TUSC3: variants seen among roughly 807,000 people sequenced by gnomAD.
TUSC3 encodes tumor suppressor candidate 3.
In TUSC3, 45 loss-of-function variants were observed where a neutral mutation model predicts 44.8. The ratio of observed to expected loss-of-function variants is 1.00; its 90% confidence interval spans 0.79 to 1.29. TUSC3 has a LOEUF of 1.29. TUSC3 is among the 50% of genes most tolerant of loss of function. The probability of loss-of-function intolerance (pLI) is 0.00; values close to 1 mark genes in which losing one functional copy is unlikely to be tolerated. For synonymous variants in TUSC3, 212 were observed against 152.9 expected, an observed-to-expected ratio of 1.39 and a Z score of -2.85; for missense variants, 519 against 437.9, an observed-to-expected ratio of 1.19 and a Z score of -1.65.
chr8:15,475,605 C>A (rs1800564282), intron 1 of TUSC3, among the ~76,000 whole-genome samples: 1 of 152,070 alleles, frequency 6.6e-6, no homozygotes, highest in African/African-American at 2.4e-5. Flanking sequence ...ATAAGTAAAT[C>A]AACTGGAAAA....
chr8:15,702,546 A>T (rs1178400641), intron 6 of TUSC3, among the ~76,000 whole-genome samples: 1 of 152,042 alleles, frequency 6.6e-6, no homozygotes, highest in Non-Finnish European at 1.5e-5. Context: ...CTCTCTTTCT[A>T]GGCAACCTGT....
the TUSC3 span, among the ~76,000 whole-genome samples, chr8:15,816,870 C>A: frequency 1.3e-5 from 2 of 152,146 alleles, no homozygotes; most frequent in Non-Finnish European, 2.9e-5. Flanking sequence ...GAGTTCATAG[C>A]GCCTAGCAGA....
chr8:15,466,899 C>A lies in TUSC3; in HGVS notation n.92-16487C>A, dbSNP rs181577410. Among the ~76,000 whole-genome samples, 4 of 152,134 alleles carry A rather than the reference C, an allele frequency of 2.6e-5. No individual in the cohort carries two copies. The East Asian group carries it at 7.7e-4, about 29-fold the overall frequency. ...GGCCATTGATAATTGAATATTGTTT[C>A]TTTCGTCCTTTTATGTAAAAGATTT... On this transcript the variant is annotated intron_variant and non_coding_transcript_variant, in intron 1 of 5. Coordinates refer to the TUSC3 transcript ENST00000503191.
At chr8:15,454,939 A>G (rs901392352) in intron 1 of TUSC3, among the ~76,000 whole-genome samples, 16 of 152,150 alleles carry the variant, frequency 1.1e-4, no homozygotes, top group African/African-American at 3.6e-4. Context: ...TAGCAGATGT[A>G]ACAGGCTCTC....
intron 1 of TUSC3, among the ~76,000 whole-genome samples, chr8:15,445,626 G>C (rs1162978680): frequency 1.3e-5 from 2 of 152,194 alleles, no homozygotes; most frequent in Non-Finnish European, 2.9e-5. Flanking sequence ...GAGAGCACTG[G>C]GTTGGGGGTA....
chr8:15,538,757 C>T (rs9325758), upstream of TUSC3, among the ~76,000 whole-genome samples: 122,212 of 152,034 alleles, frequency 0.8, 50,660 homozygotes, highest in Non-Finnish European at 0.9. Flanking sequence ...TTGTTTCCTA[C>T]AGAAATTATT....
At chr8:15,689,862 G>A (rs57427661) in intron 6 of TUSC3, among the ~76,000 whole-genome samples, 525 of 23,820 alleles carry the variant, frequency 0.022, 3 homozygotes, top group African/African-American at 0.06. Context: ...GTGTGTGTGT[G>A]TATAAATATA....
chr8:15,431,350 A>G (rs915769347), intron 1 of TUSC3, among the ~76,000 whole-genome samples: 3 of 151,638 alleles, frequency 2.0e-5, no homozygotes, highest in Non-Finnish European at 4.4e-5. Context: ...TGTGTCTTCA[A>G]TTTATTTGAT....
chr8:15,460,509 C>T (rs1180522054), intron 1 of TUSC3, among the ~76,000 whole-genome samples: 1 of 152,108 alleles, frequency 6.6e-6, no homozygotes, highest in African/African-American at 2.4e-5. Flanking sequence ...CTGACTGTTC[C>T]TTTTGCCGTG....
At chr8:15,602,274 T>G (rs1453918130) in intron 1 of TUSC3, among the ~76,000 whole-genome samples, 2 of 151,718 alleles carry the variant, frequency 1.3e-5, no homozygotes, top group Non-Finnish European at 3.0e-5. Context: ...TATTGCCTGT[T>G]GTTCATGCAG....
chr8:15,462,181 C>G (rs1346136874), intron 1 of TUSC3, among the ~76,000 whole-genome samples: 2 of 152,026 alleles, frequency 1.3e-5, no homozygotes, highest in Non-Finnish European at 2.9e-5. Flanking sequence ...GTACCATATA[C>G]CAAGCCTACT....
At chr8:15,690,159 C>T (rs1808836150) in intron 6 of TUSC3, among the ~76,000 whole-genome samples, 1 of 152,082 alleles carries the variant, frequency 6.6e-6, no homozygotes, top group Non-Finnish European at 1.5e-5. Context: ...TCTTCTCTTC[C>T]ACAATCTCGC....
chr8:15,711,012 T>A (rs1429621747), intron 6 of TUSC3, among the ~76,000 whole-genome samples: 1 of 151,368 alleles, frequency 6.6e-6, no homozygotes, highest in East Asian at 1.9e-4. Context: ...GTTTCCTGAG[T>A]CTTATGTATA....
In TUSC3 at chr8:15,659,520, C is replaced by T; in HGVS notation, c.440C>T (p.Ser147Phe). The stretch of plus-strand genomic sequence containing the variant: ...CATGTTTTACAGCTCAACATGAACT[C>T]TGCTCCTACATTCATGCATTTTCCT... ...TDVFQQLNMNSAPTFMHFPPK... is the reference protein window; with the variant it reads ...TDVFQQLNMNFAPTFMHFPPK... The change falls in exon 4 of 11, where the codon TCT (serine) becomes TTT (phenylalanine). Residue 147 changes from serine (S) to phenylalanine (F), a missense_variant. Ser to Phe is a radical substitution (Grantham distance 155, BLOSUM62 -2). Coordinates refer to ENST00000503731, the MANE Select transcript of TUSC3 (RefSeq NM_006765.4). 1 of 1,612,786 alleles carries T rather than the reference C, an allele frequency of 6.2e-7. No homozygotes were observed. Among genetic ancestry groups the T allele is most frequent in the African/African-American group, 1.3e-5 (1 of 75,030 alleles).
rs1383127490 is a variant in TUSC3, at chr8:15,764,553, T to C, written c.*397T>C. 1.8e-5 allele frequency: 5 copies of C among 274,100 alleles called. No individual in the cohort carries two copies. Among genetic ancestry groups the C allele is most frequent in the Non-Finnish European group, 3.5e-5 (5 of 140,996 alleles). 17.0% of individuals were successfully genotyped at this position (274,100 alleles called of 1,614,324 possible). On this transcript the variant is annotated 3_prime_UTR_variant, in exon 11 of 11. Transcript: ENST00000503731. ...ATGTTAGTAAAGAAAACCTATGAAATGTATGTTAAAGATTCTTAGTATTGT... is the reference window on the plus strand; with the variant it reads ...ATGTTAGTAAAGAAAACCTATGAAACGTATGTTAAAGATTCTTAGTATTGT...
intron 10 of TUSC3, among the ~76,000 whole-genome samples, 164 bp from the exon 11 acceptor site, chr8:15,764,039 C>G (rs1279942064): frequency 6.6e-6 from 1 of 152,010 alleles, no homozygotes; most frequent in East Asian, 1.9e-4. Context: ...GTTAAAGGCA[C>G]TAGTTTAGAA....
At chr8:15,452,520 A>G (rs1221286192) in intron 1 of TUSC3, among the ~76,000 whole-genome samples, 1 of 152,118 alleles carries the variant, frequency 6.6e-6, no homozygotes, top group Non-Finnish European at 1.5e-5. Flanking sequence ...AAGGTAAAAC[A>G]TATTAGTACT....
chr8:15,565,046 C>T (rs966814136), intron 1 of TUSC3, among the ~76,000 whole-genome samples: 1 of 152,070 alleles, frequency 6.6e-6, no homozygotes, highest in African/African-American at 2.4e-5. Flanking sequence ...AATTTAGAGG[C>T]TTAAAACAAC....
At chr8:15,775,721 C>G in the TUSC3 span, among the ~76,000 whole-genome samples, 1 of 141,900 alleles carries the variant, frequency 7.0e-6, no homozygotes, top group Non-Finnish European at 1.5e-5. Context: ...TATATACACA[C>G]ACAAACATAT....
Sources: allele counts gnomAD v4.1 joint callset (sites outside exome capture counted in the v4.1 genomes callset), GRCh38; gene constraint gnomAD v4.1.1; transcripts MANE v1.5; gene names NCBI Gene and HGNC (gene_info 2026-07-23, HGNC 2026-07-21).